TPRN: variants seen among roughly 807,000 people sequenced by gnomAD.
TPRN encodes the protein taperin, also known as chromosome 9 open reading frame 75.
A neutral mutation model predicts 42.6 loss-of-function variants in TPRN; 32 were observed. The observed-to-expected ratio is 0.75, with a 90% CI of 0.57 to 1.01. TPRN has a LOEUF of 1.01. Ranked by LOEUF, TPRN falls within the 50% of genes least tolerant of loss-of-function variation. The pLI, the probability that TPRN is intolerant of heterozygous loss-of-function variation, is 0.00. For missense variants in TPRN, 1,095 were observed against 957.5 expected, an observed-to-expected ratio of 1.14 and a Z score of -1.90; for synonymous variants, 541 against 445.6, an observed-to-expected ratio of 1.21 and a Z score of -2.70.
Position 137,192,608 on chromosome 9 carries a change from C to T in TPRN, c.1809G>A (p.Val603=). Residue 603 remains valine (V), a synonymous_variant, in exon 2 of 4, where the codon GTG becomes GTA. Coordinates refer to ENST00000409012, the MANE Select transcript of TPRN (RefSeq NM_001128228.3). The part of the protein sequence containing the change: ...SESSLEQEEE[V]DQQEEEEEEE... ...CCTCCTCCTCCTCCTCCTGCTGGTC[C>T]ACCTCTTCCTCCTGCTCTAGGGAGC... 6.2e-7 allele frequency: 1 copy of T among 1,613,722 alleles called. No homozygotes were observed. The highest frequency in any genetic ancestry group is 8.5e-7 in the Non-Finnish European group (1 of 1,179,976).
rs749999995 is a variant in TPRN, at chr9:137,199,849, G to A, written c.863C>T (p.Ser288Phe). ...GGAGTCGTTGGTGCTGGTGGCTGCG[G>A]AGACGCACTGGCGCTGGCTAGGAGT... ...SATPSQRQCV[S>F]AATSTNDSFE... is the part of the protein sequence containing the mutation. Residue 288 changes from serine to phenylalanine, a missense_variant, in exon 1 of 4, where the codon TCC (serine) becomes TTC (phenylalanine). Physicochemically the swap from Ser to Phe is radical, Grantham distance 155. Coordinates refer to ENST00000409012, the MANE Select transcript of TPRN (RefSeq NM_001128228.3). 102 of 1,561,146 alleles carry A rather than the reference G, an allele frequency of 6.5e-5. No homozygotes were observed. The African/African-American group carries it at 1.3e-3, about 19-fold the overall frequency.
At position 137,191,956 on chromosome 9, in the gene TPRN, T is replaced by A. The variant is rs1834625059; in HGVS notation, c.*156A>T. 5 of 916,440 alleles carry A rather than the reference T, an allele frequency of 5.5e-6. No homozygotes were observed. Among genetic ancestry groups the A allele is most frequent in the Admixed American group, 2.0e-5 (1 of 49,670 alleles). 56.8% of individuals were successfully genotyped at this position (916,440 alleles called of 1,614,324 possible). ...GAGTGAGACCCAGACCTGGCCCCGA[T>A]GGCAGGAGGCACCCTAGCTGCTTCC... is the stretch of plus-strand genomic sequence containing the variant. On this transcript the variant is annotated 3_prime_UTR_variant, in exon 4 of 4. Transcript: ENST00000409012.
In TPRN at chr9:137,200,540, C is replaced by G; in HGVS notation, c.172G>C (p.Glu58Gln). ...VLAESLGPLR[E>Q]NPFMLLEAER... is the part of the protein sequence containing the mutation. ...GCCTCCAGCAGCATGAACGGGTTCTCGCGCAGCGGGCCCAGGCTCTCGGCC... is the reference window on the plus strand; with the variant it reads ...GCCTCCAGCAGCATGAACGGGTTCTGGCGCAGCGGGCCCAGGCTCTCGGCC... Residue 58 changes from glutamate (E) to glutamine (Q), a missense_variant, in exon 1 of 4, where the codon GAG becomes CAG. Transcript: ENST00000409012. This position sits in a 1 kb window ranked among gnomAD's most constrained non-coding sequence, Gnocchi z 4.3. 4 of 1,168,320 alleles carry G rather than the reference C, an allele frequency of 3.4e-6. No individual in the cohort carries two copies. The highest frequency in any genetic ancestry group is 5.7e-5 in the South Asian group (2 of 34,900). The allele number at this position is 1,168,320 out of a possible 1,614,324, so 72.4% of individuals were successfully genotyped here.
chr9:137,197,716 G>A (rs1325612348), intron 1 of TPRN, among the ~76,000 whole-genome samples: 1 of 152,212 alleles, frequency 6.6e-6, no homozygotes. Flanking sequence ...GGAGCTGGAG[G>A]AGAGAGGCTG....
At chr9:137,197,387 C>A (rs1834722206) in intron 1 of TPRN, among the ~76,000 whole-genome samples, 1 of 152,176 alleles carries the variant, frequency 6.6e-6, no homozygotes. Context: ...AAGGTGTGAG[C>A]CACCGCGCCC....
chr9:137,199,716 C>G lies in TPRN; in HGVS notation c.996G>C (p.Met332Ile). 6.2e-7 allele frequency: 1 copy of G among 1,611,702 alleles called. No homozygotes were observed. The highest frequency in any genetic ancestry group is 1.1e-5 in the South Asian group (1 of 90,764). ...SLRANSRNSF[M>I]VIPKSKASGA... is the part of the protein sequence containing the mutation. ...CGGAGGCCTTGCTCTTGGGGATGAC[C>G]ATGAAAGAATTTCGAGAGTTTGCGC... Residue 332 changes from methionine to isoleucine, a missense_variant, in exon 1 of 4, where the codon ATG becomes ATC. Physicochemically the swap from Met to Ile is conservative, Grantham distance 10. Transcript: ENST00000409012.
At chr9:137,192,762 C>T in intron 1 of TPRN, 71 bp from the exon 2 acceptor site, 1 of 1,565,044 alleles carries the variant, frequency 6.4e-7, no homozygotes, top group South Asian at 1.1e-5. Flanking sequence ...GGCTCAGGTT[C>T]AGCCCTCAGG....
In TPRN at chr9:137,192,359, G is replaced by C. The variant is rs540916630; in HGVS notation, c.1973C>G (p.Ser658Cys). The C allele has an allele frequency of 3.7e-6, 6 of 1,612,986 alleles. No individual in the cohort carries two copies. The East Asian group carries it at 8.9e-5, about 24-fold the overall frequency. The change falls in exon 3 of 4, where the codon TCC (serine) becomes TGC (cysteine). Residue 658 changes from serine to cysteine, a missense_variant. Coordinates refer to ENST00000409012, the MANE Select transcript of TPRN (RefSeq NM_001128228.3). The stretch of plus-strand genomic sequence containing the variant: ...CACAGAGTGCTTCGGGGTGTAGCTG[G>C]ACAGGCCTGTGAATGGAGGTGCACA... Reference protein sequence around the residue: ...SRLPEGSSGLSSYTPKHSVAF... With the variant: ...SRLPEGSSGLCSYTPKHSVAF...
rs1257535762 is a variant in TPRN, at chr9:137,200,525, G to A, written c.187C>T (p.Leu63=). ...CCGCGCCGCCGCTCGGCCTCCAGCA[G>A]CATGAACGGGTTCTCGCGCAGCGGG... The part of the protein sequence containing the change: ...LGPLRENPFM[L]LEAERRRGGG... The change falls in exon 1 of 4, where the codon CTG becomes TTG. Residue 63 remains leucine (L), a synonymous_variant. Coordinates refer to ENST00000409012, the MANE Select transcript of TPRN (RefSeq NM_001128228.3). The surrounding 1 kb of genome is among the most constrained non-coding windows in gnomAD (Gnocchi z 4.3). 4 of 1,167,828 alleles carry A rather than the reference G, an allele frequency of 3.4e-6. No homozygotes were observed. Among genetic ancestry groups the A allele is most frequent in the Non-Finnish European group, 4.2e-6 (4 of 945,256 alleles). The allele number at this position is 1,167,828 out of a possible 1,614,324, so 72.3% of individuals were successfully genotyped here.
chr9:137,195,988 C>G (rs1172366670), intron 1 of TPRN, among the ~76,000 whole-genome samples: 1 of 152,168 alleles, frequency 6.6e-6, no homozygotes, highest in Non-Finnish European at 1.5e-5. Flanking sequence ...GGCAGGCCCC[C>G]ACCCCGGCAC....
Position 137,200,049 on chromosome 9 carries a change from G to A in TPRN, c.663C>T (p.Leu221=), listed in dbSNP as rs900945572. 2.8e-6 allele frequency: 4 copies of A among 1,434,958 alleles called. No homozygotes were observed. Among genetic ancestry groups the A allele is most frequent in the Non-Finnish European group, 9.1e-7 (1 of 1,101,250 alleles). The allele number at this position is 1,434,958 out of a possible 1,614,324, so 88.9% of individuals were successfully genotyped here. Residue 221 remains leucine, a synonymous_variant, in exon 1 of 4, where the codon CTC becomes CTT. Transcript: ENST00000409012. This position sits in a 1 kb window ranked among gnomAD's most constrained non-coding sequence, Gnocchi z 4.3. ...GCTCAGGGGCCGAGTGCCCGTTGGAGAGCAGGCGGGCGCCCGCGCCGCGGT... is the reference window on the plus strand; with the variant it reads ...GCTCAGGGGCCGAGTGCCCGTTGGAAAGCAGGCGGGCGCCCGCGCCGCGGT... The part of the protein sequence containing the change: ...GLHRGAGARL[L]SNGHSAPEPR...
In TPRN at chr9:137,192,179, A is replaced by G. The variant is rs1564383004; in HGVS notation, c.2074-5T>C. 2 of 1,613,448 alleles carry G rather than the reference A, an allele frequency of 1.2e-6. No individual in the cohort carries two copies. The highest frequency in any genetic ancestry group is 1.7e-6 in the Non-Finnish European group (2 of 1,179,986). On this transcript the variant is annotated splice_region_variant and splice_polypyrimidine_tract_variant and intron_variant, in intron 3 of 3. Transcript: ENST00000409012. ...ATTCTGACTGGCGGGTGTGAGCTGA[A>G]AGTGAGAGGACAGAATGTGGACACA...
At chr9:137,196,926 G>A (rs1178953640) in intron 1 of TPRN, among the ~76,000 whole-genome samples, 1 of 152,178 alleles carries the variant, frequency 6.6e-6, no homozygotes, top group East Asian at 1.9e-4. Context: ...CGTCCATCTG[G>A]ACCCCCACCC....
intron 1 of TPRN, 151 bp downstream of exon 1, chr9:137,198,835 CG>C: frequency 6.7e-7 from 1 of 1,491,028 alleles, no homozygotes; most frequent in Admixed American, 2.0e-5. Context: ...GGACCCAGCA[CG>C]GCCCACCCAG....
At chr9:137,193,044 A>C (rs772690403) in intron 1 of TPRN, 2 of 332,420 alleles carry the variant, frequency 6.0e-6, no homozygotes, top group Non-Finnish European at 1.1e-5. Flanking sequence ...AGCTGGGGGG[A>C]AACTGGGGTG....
rs767047377 is a variant in TPRN, at chr9:137,199,686, A to C, written c.1026T>G (p.Ala342=). The part of the protein sequence containing the change: ...MVIPKSKASG[A]PPPEGRQSVE... ...CGGACTGCCTCCCCTCAGGAGGAGG[A>C]GCCCCGGAGGCCTTGCTCTTGGGGA... The change falls in exon 1 of 4, where the codon GCT becomes GCG. Residue 342 remains alanine, a synonymous_variant. Coordinates refer to ENST00000409012, the MANE Select transcript of TPRN (RefSeq NM_001128228.3). 165 of 1,604,990 alleles carry C rather than the reference A, an allele frequency of 1.0e-4. 4 individuals carry two copies. The South Asian group carries it at 1.8e-3, about 18-fold the overall frequency.
chr9:137,199,205 C>G lies in TPRN; in HGVS notation c.1507G>C (p.Val503Leu). 6.2e-7 allele frequency: 1 copy of G among 1,613,170 alleles called. No individual in the cohort carries two copies. Among genetic ancestry groups the G allele is most frequent in the Non-Finnish European group, 8.5e-7 (1 of 1,180,018 alleles). Residue 503 changes from valine to leucine, a missense_variant, in exon 1 of 4, where the codon GTG (valine) becomes CTG (leucine). By Grantham distance (32) the Val-to-Leu change is conservative. Transcript: ENST00000409012. The stretch of plus-strand genomic sequence containing the variant: ...GTCCCTGGCTTCCTCTTGGGCACCA[C>G]TGTGAAGGTGTTGCTGCCCCGGGGC... ...LQPRGSNTFT[V>L]VPKRKPGTLQ... is the part of the protein sequence containing the mutation.
chr9:137,200,656 T>C lies in TPRN; in HGVS notation c.56A>G (p.Lys19Arg). ...SGPRAAVPAW[K>R]REILERKRAK... ...CCGCTTCCGCTCCAGGATCTCACGC[T>C]TCCAAGCGGGCACCGCAGCGCGCGG... Residue 19 changes from lysine to arginine, a missense_variant, in exon 1 of 4, where the codon AAG (lysine) becomes AGG (arginine). By Grantham distance (26) the Lys-to-Arg change is conservative. Coordinates refer to ENST00000409012, the MANE Select transcript of TPRN (RefSeq NM_001128228.3). This position sits in a 1 kb window ranked among gnomAD's most constrained non-coding sequence, Gnocchi z 4.3. The C allele has an allele frequency of 2.4e-6, 3 of 1,238,164 alleles. No homozygotes were observed. The highest frequency in any genetic ancestry group is 3.1e-6 in the Non-Finnish European group (3 of 980,468). 76.7% of individuals were successfully genotyped at this position (1,238,164 alleles called of 1,614,324 possible). A position where few individuals can be genotyped will look rare whatever the true frequency, so the allele number is the denominator to read the frequency against.
intron 1 of TPRN, 103 bp downstream of exon 1, chr9:137,198,884 T>G: frequency 1.3e-6 from 2 of 1,589,792 alleles, no homozygotes; most frequent in Non-Finnish European, 1.7e-6. Flanking sequence ...AACCATCCTT[T>G]GCCCAGGCCA....
Sources: allele counts gnomAD v4.1 joint callset (sites outside exome capture counted in the v4.1 genomes callset), GRCh38; gene constraint gnomAD v4.1.1; non-coding constraint Gnocchi (gnomAD v3.1); transcripts MANE v1.5; gene names NCBI Gene and HGNC (gene_info 2026-07-23, HGNC 2026-07-21).